The following STX16 variants were observed in gnomAD, a reference collection of about 807,000 sequenced individuals.
STX16 encodes the protein syntaxin-16.
Under a neutral mutation model 42.7 loss-of-function variants are expected in STX16, and 28 were observed. The observed-to-expected ratio is 0.66, with a 90% CI of 0.49 to 0.90. The LOEUF is 0.90. STX16 is among the 40% of genes least tolerant of loss of function. The pLI is 0.00. For missense variants in STX16, 361 were observed against 420.9 expected, an observed-to-expected ratio of 0.86 and a Z score of 1.24; for synonymous variants, 156 against 155.2, an observed-to-expected ratio of 1.00 and a Z score of -0.04.
In STX16 at chr20:58,657,749, G is replaced by GGCAGA. The variant is rs1468523147; in HGVS notation, c.133-1873_133-1869dup. 1.3e-5 allele frequency among the ~76,000 whole-genome samples: 2 copies of GGCAGA among 152,130 alleles called. No individual in the cohort carries two copies. The highest frequency in any genetic ancestry group is 3.8e-4 in the East Asian group (2 of 5,198). On this transcript the variant is annotated intron_variant, in intron 1 of 8. Transcript: ENST00000371141. This position sits in a 1 kb window ranked among gnomAD's most constrained non-coding sequence, Gnocchi z 4.2. ...TGACTAAATTTCCTGGTAATTTGGT[G>GGCAGA]GCAGACAGAATTTTGAAAGCCTTCT...
chr20:58,667,086 C>A, intron 2 of STX16: 1 of 250,042 alleles, frequency 4.0e-6, no homozygotes, highest in South Asian at 4.1e-5. Flanking sequence ...TTTTTTTTTT[C>A]ACTTGCAACT....
chr20:58,671,075 A>G lies in STX16; in HGVS notation c.649-79A>G, dbSNP rs1490775316. Reference sequence around the variant, plus strand: ...TTTAAATTATTTTCATTGTCTTTAAATTATATCTAAACAAGTATACCATAG... The same window carrying G: ...TTTAAATTATTTTCATTGTCTTTAAGTTATATCTAAACAAGTATACCATAG... On this transcript the variant is annotated intron_variant, in intron 6 of 8. Coordinates refer to ENST00000371141, the MANE Select transcript of STX16 (RefSeq NM_001001433.3). The G allele has an allele frequency of 4.5e-6, 6 of 1,324,962 alleles. No homozygotes were observed. In the Admixed American group the frequency reaches 1.4e-4, roughly 31 times the overall value. The allele number at this position is 1,324,962 out of a possible 1,614,324, so 82.1% of individuals were successfully genotyped here.
Position 58,667,671 on chromosome 20 carries a change from A to G in STX16, c.252+74A>G, listed in dbSNP as rs2083869251. ...GACAATGTATTTTAAGATATCTGTC[A>G]TATAAACGAATTTGGCTACACTTGA... is the stretch of plus-strand genomic sequence containing the variant. On this transcript the variant is annotated intron_variant, in intron 3 of 8. Coordinates refer to ENST00000371141, the MANE Select transcript of STX16 (RefSeq NM_001001433.3). 13 of 1,332,896 alleles carry G rather than the reference A, an allele frequency of 9.8e-6. No individual in the cohort carries two copies. The Admixed American group carries it at 2.2e-4, about 23-fold the overall frequency. 82.6% of individuals were successfully genotyped at this position (1,332,896 alleles called of 1,614,324 possible).
At position 58,657,385 on chromosome 20, in the gene STX16, G is replaced by A. The variant is rs1240889815; in HGVS notation, c.133-2238G>A. ...GGGTACTTTGTTGGATAAAAGTGAA[G>A]CAAACTTTTATTTTGGCAGTAACGG... On this transcript the variant is annotated intron_variant, in intron 1 of 8. Coordinates refer to ENST00000371141, the MANE Select transcript of STX16 (RefSeq NM_001001433.3). This position sits in a 1 kb window ranked among gnomAD's most constrained non-coding sequence, Gnocchi z 4.2. Among the ~76,000 whole-genome samples the A allele has an allele frequency of 6.6e-6, 1 of 152,198 alleles. No individual in the cohort carries two copies. The highest frequency in any genetic ancestry group is 2.4e-5 in the African/African-American group (1 of 41,450).
rs563355472 is a variant in STX16, at chr20:58,658,027, T to G, written c.133-1596T>G. Reference sequence around the variant, plus strand: ...AGTTTTCTTATTTGTAAGAAAAGACTTATTTCTAGCCCTAGAATCCCATGA... The same window carrying G: ...AGTTTTCTTATTTGTAAGAAAAGACGTATTTCTAGCCCTAGAATCCCATGA... On this transcript the variant is annotated intron_variant, in intron 1 of 8. Transcript: ENST00000371141. 2.0e-5 allele frequency among the ~76,000 whole-genome samples: 3 copies of G among 152,350 alleles called. No homozygotes were observed. In the South Asian group the frequency reaches 6.2e-4, roughly 32 times the overall value.
At chr20:58,659,458 A>G (rs1187992287) in intron 1 of STX16, among the ~76,000 whole-genome samples, 165 bp from the exon 2 acceptor site, 1 of 135,616 alleles carries the variant, frequency 7.4e-6, no homozygotes, top group Non-Finnish European at 1.7e-5. Context: ...AAAAAAAAAA[A>G]AGGAGATTTT....
chr20:58,660,713 C>CTT (rs10706096), intron 2 of STX16, among the ~76,000 whole-genome samples: 10,991 of 70,692 alleles, frequency 0.16, 2,067 homozygotes, highest in East Asian at 0.34. Context: ...ATTCCTGCTC[C>CTT]TTTTTTTTTT....
At chr20:58,656,381 C>T (rs1381424195) in intron 1 of STX16, among the ~76,000 whole-genome samples, 2 of 152,148 alleles carry the variant, frequency 1.3e-5, no homozygotes, top group Admixed American at 6.5e-5. Flanking sequence ...CAGCCAAGTG[C>T]AGGTTTTAAG....
intron 7 of STX16, among the ~76,000 whole-genome samples, 197 bp downstream of exon 7, chr20:58,671,494 TTAAATTTGATTAATTTTAAA>T (rs2083977576): frequency 6.6e-6 from 1 of 151,360 alleles, no homozygotes; most frequent in African/African-American, 2.4e-5. Flanking sequence ...TAATCAAATA[TTAAATTTGATTAATTTTAAA>T]ATAATAGGAC....
rs550572371 is a variant in STX16 at position 58,668,224 on chromosome 20, T to G, written c.393+97T>G. ...CTCAGAATCAGTCTCCTGGAGTCAT[T>G]TCCCAACCTGAAGTTCTCAGAGGGA... is the stretch of plus-strand genomic sequence containing the variant. On this transcript the variant is annotated intron_variant, in intron 4 of 8. Transcript: ENST00000371141. 7.4e-6 allele frequency: 11 copies of G among 1,484,786 alleles called. 1 individual carries two copies. The East Asian group carries it at 9.7e-5, about 13-fold the overall frequency. The allele number at this position is 1,484,786 out of a possible 1,614,324, so 92.0% of individuals were successfully genotyped here.
intron 2 of STX16, 153 bp from the exon 3 acceptor site, chr20:58,667,337 T>G (rs982158343): frequency 1.4e-6 from 1 of 729,606 alleles, no homozygotes; most frequent in Non-Finnish European, 2.4e-6. Flanking sequence ...ATTCACTCCT[T>G]TCTATATATT....
chr20:58,667,364 T>G, intron 2 of STX16, 126 bp from the exon 3 acceptor site: 2 of 819,832 alleles, frequency 2.4e-6, no homozygotes, highest in South Asian at 2.9e-5. Context: ...GAGCAACATT[T>G]AAGAGAGAGT....
intron 2 of STX16, among the ~76,000 whole-genome samples, chr20:58,661,211 T>C (rs561525353): frequency 1.3e-5 from 2 of 152,294 alleles, no homozygotes; most frequent in South Asian, 4.1e-4. Flanking sequence ...ACCACTTAGG[T>C]TGAAGAACCA....
chr20:58,661,575 G>A (rs533513917), intron 2 of STX16, among the ~76,000 whole-genome samples: 12 of 152,336 alleles, frequency 7.9e-5, no homozygotes, highest in Admixed American at 2.0e-4. Flanking sequence ...GTGCAGTGCC[G>A]TTATCTTTTT....
chr20:58,668,264 G>A (rs2083885586), intron 4 of STX16, 137 bp downstream of exon 4: 3 of 1,114,620 alleles, frequency 2.7e-6, no homozygotes, highest in African/African-American at 1.6e-5. Context: ...AAGAGGCCCT[G>A]AAGTCCTCCA....
chr20:58,672,803 C>G (rs1481060172), intron 7 of STX16, among the ~76,000 whole-genome samples: 1 of 152,160 alleles, frequency 6.6e-6, no homozygotes, highest in Non-Finnish European at 1.5e-5. Context: ...GCAATTGGAA[C>G]CACTAGCGTT....
In STX16 at chr20:58,667,532, G is replaced by T; in HGVS notation, c.187G>T (p.Asp63Tyr). The T allele has an allele frequency of 6.2e-7, 1 of 1,614,178 alleles. No homozygotes were observed. The highest frequency in any genetic ancestry group is 8.5e-7 in the Non-Finnish European group (1 of 1,180,032). ...RMALVSGISL[D>Y]PEAAIGVTKR... ...GGCACTGGTGTCAGGCATCAGCTTAGATCCAGAAGCAGCGATTGGTGTGAC... is the reference window on the plus strand; with the variant it reads ...GGCACTGGTGTCAGGCATCAGCTTATATCCAGAAGCAGCGATTGGTGTGAC... Residue 63 changes from aspartate (D) to tyrosine (Y), a missense_variant, in exon 3 of 9, where the codon GAT becomes TAT. Transcript: ENST00000371141.
At position 58,678,308 on chromosome 20, in the gene STX16, T is replaced by C. The variant is rs1432075038; in HGVS notation, c.*2017T>C. 6.6e-6 allele frequency: 1 copy of C among 152,090 alleles called. No homozygotes were observed. Among genetic ancestry groups the C allele is most frequent in the African/African-American group, 2.4e-5 (1 of 41,406 alleles). 9.4% of individuals were successfully genotyped at this position (152,090 alleles called of 1,614,324 possible). On this transcript the variant is annotated 3_prime_UTR_variant, in exon 9 of 9. Transcript: ENST00000371141. ...CACCAAATAGGGTGATGAGGGTTGGTTTTTGTTCCCTCAACCCATTTGGGT... is the reference window on the plus strand; with the variant it reads ...CACCAAATAGGGTGATGAGGGTTGGCTTTTGTTCCCTCAACCCATTTGGGT...
rs2084216912 is a variant in STX16 at position 58,679,364 on chromosome 20, T to A, written c.*3073T>A. The A allele has an allele frequency of 6.5e-6, 1 of 152,790 alleles. No individual in the cohort carries two copies. The highest frequency in any genetic ancestry group is 1.5e-5 in the Non-Finnish European group (1 of 68,028). The allele number at this position is 152,790 out of a possible 1,614,324, so 9.5% of individuals were successfully genotyped here. On this transcript the variant is annotated 3_prime_UTR_variant, in exon 9 of 9. Transcript: ENST00000371141. ...TCCAACGTAATTGGTCAGATAAAAC[T>A]TTTTTTCTTGTATGCTTAAATAAAG...
Sources: gnomAD v4.1 joint callset for allele counts (sites outside exome capture counted in the v4.1 genomes callset) on GRCh38, gnomAD v4.1.1 for gene constraint, Gnocchi (gnomAD v3.1) non-coding constraint, MANE v1.5 for transcripts, NCBI Gene and HGNC (gene_info 2026-07-23, HGNC 2026-07-21) for gene names.